Variants in WWOX observed in about 807,000 individuals in gnomAD.
WWOX encodes the protein WW domain containing oxidoreductase.
Under a neutral mutation model 46.2 loss-of-function variants are expected in WWOX, and 69 were observed. The ratio of observed to expected loss-of-function variants is 1.49; its 90% CI spans 1.23 to 1.82. The LOEUF (loss-of-function observed/expected upper bound fraction) is 1.82. Among genes scored for constraint, WWOX ranks in the 40% most tolerant of loss-of-function variants. The pLI is 0.00. For missense variants in WWOX, 919 were observed against 542.6 expected, an observed-to-expected ratio of 1.69 and a Z score of -6.89; for synonymous variants, 359 against 202.6, an observed-to-expected ratio of 1.77 and a Z score of -6.56.
intron 8 of WWOX, among the ~76,000 whole-genome samples, chr16:78,787,936 T>G (rs1454911859): frequency 6.6e-6 from 1 of 152,206 alleles, no homozygotes; most frequent in African/African-American, 2.4e-5. Flanking sequence ...GTTATTTGTA[T>G]CTTTTTTAAA....
chr16:78,829,468 A>G (rs2051754557), intron 8 of WWOX, among the ~76,000 whole-genome samples: 1 of 152,238 alleles, frequency 6.6e-6, no homozygotes, highest in Admixed American at 6.5e-5. Context: ...AGTCTCATGT[A>G]GAATCACCCT....
intron 8 of WWOX, chr16:78,891,212 C>T (rs1221115854): frequency 2.0e-5 from 3 of 152,124 alleles, no homozygotes; most frequent in African/African-American, 2.4e-5. Context: ...TGTCTCAGTC[C>T]CATCTGATAT....
chr16:78,975,069 G>A (rs1321693615), intron 8 of WWOX, among the ~76,000 whole-genome samples: 1 of 152,174 alleles, frequency 6.6e-6, no homozygotes, highest in African/African-American at 2.4e-5. Context: ...CTGGGCCCCT[G>A]CTTTTGCCTT....
intron 8 of WWOX, among the ~76,000 whole-genome samples, chr16:78,713,360 T>A (rs77370068): frequency 7.1e-6 from 1 of 140,180 alleles, no homozygotes; most frequent in African/African-American, 2.7e-5. Flanking sequence ...AGTAGACAAC[T>A]AGTTCATGGT....
intron 8 of WWOX, among the ~76,000 whole-genome samples, chr16:78,519,412 C>A (rs1268670920): frequency 1.3e-5 from 2 of 152,016 alleles, no homozygotes; most frequent in South Asian, 2.1e-4. Context: ...TCAGACCTTT[C>A]CATGGAAGGT....
intron 8 of WWOX, among the ~76,000 whole-genome samples, chr16:78,469,752 C>T (rs1053144377): frequency 2.0e-5 from 3 of 152,238 alleles, no homozygotes; most frequent in Admixed American, 1.3e-4. Context: ...AGAAATGTTA[C>T]CAGGCATATT....
At chr16:79,152,991 CAAGG>C (rs1442578880) in intron 8 of WWOX, among the ~76,000 whole-genome samples, 1 of 152,026 alleles carries the variant, frequency 6.6e-6, no homozygotes, top group Non-Finnish European at 1.5e-5. Flanking sequence ...GGGGGAAATA[CAAGG>C]AAGGAAGAGA....
chr16:78,698,795 T>G (rs1172178394), intron 8 of WWOX, among the ~76,000 whole-genome samples: 3 of 152,166 alleles, frequency 2.0e-5, no homozygotes, highest in Non-Finnish European at 2.9e-5. Context: ...GAGCTATGAC[T>G]ATACCTGTGA....
chr16:78,444,334 A>T (rs1189846067), intron 8 of WWOX, among the ~76,000 whole-genome samples: 1 of 152,098 alleles, frequency 6.6e-6, no homozygotes, highest in Admixed American at 6.5e-5. Context: ...GAATCAGTTA[A>T]CCAAGAATAG....
intron 8 of WWOX, among the ~76,000 whole-genome samples, chr16:79,057,468 A>C (rs979829185): frequency 1.3e-5 from 2 of 152,166 alleles, no homozygotes; most frequent in East Asian, 3.9e-4. Flanking sequence ...TTCTCATTAG[A>C]GTCTTTCTGT....
rs999912564 is a variant in WWOX at position 79,002,171 on chromosome 16, A to G, written c.1057-209437A>G. On this transcript the variant is annotated intron_variant, in intron 8 of 8. Transcript: ENST00000566780. Reference sequence around the variant, plus strand: ...TATCGACGTGCTGTACTCCTAACACATTATTTGTTATCTGAAATTTAGATT... The same window carrying G: ...TATCGACGTGCTGTACTCCTAACACGTTATTTGTTATCTGAAATTTAGATT... 2.9e-5 allele frequency among the ~76,000 whole-genome samples: 4 copies of G among 139,536 alleles called. No homozygotes were observed. In the South Asian group the frequency reaches 6.8e-4, roughly 24 times the overall value. 91.5% of individuals were successfully genotyped at this position (139,536 alleles called of 152,430 possible). A position where few individuals can be genotyped will look rare whatever the true frequency, so the allele number is the denominator to read the frequency against.
chr16:78,103,304 A>G (rs1326333667), intron 1 of WWOX, among the ~76,000 whole-genome samples: 1 of 145,754 alleles, frequency 6.9e-6, no homozygotes, highest in Non-Finnish European at 1.5e-5. Flanking sequence ...CATGTGCAGG[A>G]TGTGCAGGTT....
chr16:78,460,578 T>C (rs1043689230), intron 8 of WWOX, among the ~76,000 whole-genome samples: 5 of 152,226 alleles, frequency 3.3e-5, no homozygotes, highest in Admixed American at 1.3e-4. Flanking sequence ...CTGTTTGTTT[T>C]GCAGAACACT....
chr16:78,416,439 A>G (rs572188049), intron 6 of WWOX, among the ~76,000 whole-genome samples: 1 of 152,218 alleles, frequency 6.6e-6, no homozygotes, highest in South Asian at 2.1e-4. Flanking sequence ...AGAGGTGACA[A>G]GTTTTAGGTA....
At chr16:78,702,014 T>C (rs1349616360) in intron 8 of WWOX, among the ~76,000 whole-genome samples, 3 of 110,558 alleles carry the variant, frequency 2.7e-5, no homozygotes, top group African/African-American at 1.8e-4. Flanking sequence ...AAATTATATA[T>C]ATATATATAT....
At chr16:79,004,090 C>G (rs1008050538) in intron 8 of WWOX, 2 of 152,156 alleles carry the variant, frequency 1.3e-5, no homozygotes, top group African/African-American at 4.8e-5. Flanking sequence ...ATACTGTAGA[C>G]CATCATCTTG....
At chr16:78,461,121 T>G (rs919950273) in intron 8 of WWOX, among the ~76,000 whole-genome samples, 1 of 152,236 alleles carries the variant, frequency 6.6e-6, no homozygotes, top group African/African-American at 2.4e-5. Flanking sequence ...ATTCCATGTT[T>G]GATAACTTTC....
intron 8 of WWOX, among the ~76,000 whole-genome samples, chr16:78,642,620 A>C (rs1269979190): frequency 6.6e-6 from 1 of 152,012 alleles, no homozygotes; most frequent in Non-Finnish European, 1.5e-5. Context: ...GTCGTGGGCT[A>C]CTGCCAGCTG....
At chr16:78,750,079 A>T (rs1859739240) in intron 8 of WWOX, among the ~76,000 whole-genome samples, 1 of 152,238 alleles carries the variant, frequency 6.6e-6, no homozygotes, top group Non-Finnish European at 1.5e-5. Flanking sequence ...TATGGAAGGC[A>T]TTGCTGAAAG....
Sources: gnomAD v4.1 joint callset for allele counts (sites outside exome capture counted in the v4.1 genomes callset) on GRCh38, gnomAD v4.1.1 for gene constraint, MANE v1.5 for transcripts, NCBI Gene and HGNC (gene_info 2026-07-23, HGNC 2026-07-21) for gene names.